FANCA: variants seen among roughly 807,000 people sequenced by gnomAD.
FANCA encodes Fanconi anemia group A protein.
In FANCA, 236 loss-of-function variants were observed where a neutral mutation model predicts 194.3. That is an observed-to-expected ratio of 1.21 (90% CI 1.09 to 1.35). The LOEUF is 1.35. FANCA is among the 40% of genes most tolerant of loss of function. The pLI is 0.00. For synonymous variants in FANCA, 1,014 were observed against 715.8 expected, an observed-to-expected ratio of 1.42 and a Z score of -6.65; for missense variants, 2,628 against 1,813.9, an observed-to-expected ratio of 1.45 and a Z score of -8.15.
At chr16:89,807,475 C>T (rs1341776514) in intron 6 of FANCA, among the ~76,000 whole-genome samples, 1 of 151,636 alleles carries the variant, frequency 6.6e-6, no homozygotes, top group Non-Finnish European at 1.5e-5. Context: ...AAAGGCCGCG[C>T]GAGGTGGCTC....
In FANCA at chr16:89,744,788, T is replaced by C. The variant is rs9923733; in HGVS notation, c.3626+171A>G. The C allele has an allele frequency of 0.49, 336,223 of 680,110 alleles. 93,602 individuals carry two copies. Among genetic ancestry groups the C allele is most frequent in the East Asian group, 0.98 (35,565 of 36,240 alleles). The allele number at this position is 680,110 out of a possible 1,614,324, so 42.1% of individuals were successfully genotyped here. A position where few individuals can be genotyped will look rare whatever the true frequency, so the allele number is the denominator to read the frequency against. On this transcript the variant is annotated intron_variant, in intron 36 of 42. Transcript: ENST00000389301. Reference sequence around the variant, plus strand: ...TCTCCTGCCTCGGCCTCCCCAGTAGTTGGGATTACAGGCGCCCACCACCAC... The same window carrying C: ...TCTCCTGCCTCGGCCTCCCCAGTAGCTGGGATTACAGGCGCCCACCACCAC...
At chr16:89,740,176 C>T (rs2062093537) in intron 38 of FANCA, 77 bp from the exon 39 acceptor site, 11 of 1,095,884 alleles carry the variant, frequency 1.0e-5, no homozygotes, top group Non-Finnish European at 1.6e-5. Flanking sequence ...GCCCTCAGCA[C>T]AGAAGAGGGC....
intron 3 of FANCA, among the ~76,000 whole-genome samples, chr16:89,811,820 TCTC>T (rs1291282879): frequency 2.0e-5 from 3 of 152,086 alleles, no homozygotes; most frequent in East Asian, 3.9e-4. Flanking sequence ...AACCTCCGCC[TCTC>T]AGGTTCAAGC....
chr16:89,814,652 C>G, intron 2 of FANCA, 39 bp from the exon 3 acceptor site: 1 of 1,512,262 alleles, frequency 6.6e-7, no homozygotes, highest in Non-Finnish European at 9.2e-7. Flanking sequence ...TTAAAAAATT[C>G]AAGCTCCAGG....
In FANCA at chr16:89,815,994, G is replaced by A. The variant is rs749080227; in HGVS notation, c.80-8C>T. On this transcript the variant is annotated splice_region_variant and splice_polypyrimidine_tract_variant and intron_variant, in intron 1 of 42. Coordinates refer to ENST00000389301, the MANE Select transcript of FANCA (RefSeq NM_000135.4). The stretch of plus-strand genomic sequence containing the variant: ...CCCTCTTGACCCTTCCCGCTACGGA[G>A]AGAAGTCGGTTCGAAACCATCACAG... 3 of 1,606,640 alleles carry A rather than the reference G, an allele frequency of 1.9e-6. No homozygotes were observed. The highest frequency in any genetic ancestry group is 2.6e-6 in the Non-Finnish European group (3 of 1,173,336).
At chr16:89,799,483 G>C (rs1354172200) in intron 9 of FANCA, 122 bp downstream of exon 9, 2 of 1,069,544 alleles carry the variant, frequency 1.9e-6, no homozygotes, top group Non-Finnish European at 2.9e-6. Context: ...TCCAGTACCA[G>C]GACTCTGCAC....
At chr16:89,800,766 C>T (rs1237603662) in intron 8 of FANCA, among the ~76,000 whole-genome samples, 1 of 152,216 alleles carries the variant, frequency 6.6e-6, no homozygotes, top group Non-Finnish European at 1.5e-5. Flanking sequence ...AACTGTGGCC[C>T]ACGCCTGTAA....
At chr16:89,770,383 T>C in intron 24 of FANCA, 124 bp from the exon 25 acceptor site, 1 of 1,072,052 alleles carries the variant, frequency 9.3e-7, no homozygotes, top group Non-Finnish European at 1.4e-6. Context: ...GTGGTCTTTC[T>C]GGAAGACAAC....
chr16:89,814,754 A>C (rs1339077589), intron 2 of FANCA, 141 bp from the exon 3 acceptor site: 5 of 650,718 alleles, frequency 7.7e-6, no homozygotes, highest in Non-Finnish European at 1.4e-5. Context: ...CAGCCTGGCC[A>C]ACATAGTGAA....
At chr16:89,810,559 A>T (rs1439857078) in intron 5 of FANCA, 148 bp downstream of exon 5, 4 of 690,522 alleles carry the variant, frequency 5.8e-6, no homozygotes, top group Non-Finnish European at 1.0e-5. Context: ...TCCACAGATG[A>T]TTTCTAAACC....
chr16:89,805,302 G>C lies in FANCA; in HGVS notation c.687C>G (p.Asp229Glu). ...CACCAGAAAGCATGGCCCTGGCGACGTCAGCATGCTGGCAGGATGCTTCCA... is the reference window on the plus strand; with the variant it reads ...CACCAGAAAGCATGGCCCTGGCGACCTCAGCATGCTGGCAGGATGCTTCCA... Reference protein sequence around the residue: ...EQMEASCQHADVARAMLSDFV... With the variant: ...EQMEASCQHAEVARAMLSDFV... Residue 229 changes from aspartate to glutamate, a missense_variant, in exon 7 of 43, where the codon GAC (aspartate) becomes GAG (glutamate). By Grantham distance (45) the Asp-to-Glu change is conservative (BLOSUM62 2). Coordinates refer to ENST00000389301, the MANE Select transcript of FANCA (RefSeq NM_000135.4). 6.2e-7 allele frequency: 1 copy of C among 1,613,818 alleles called. No homozygotes were observed. Among genetic ancestry groups the C allele is most frequent in the Non-Finnish European group, 8.5e-7 (1 of 1,179,800 alleles).
chr16:89,789,961 C>G lies in FANCA; in HGVS notation c.1359+1442G>C, dbSNP rs1378251954. 9.9e-5 allele frequency among the ~76,000 whole-genome samples: 15 copies of G among 152,268 alleles called. 1 individual carries two copies. In the South Asian group the frequency reaches 2.9e-3, roughly 30 times the overall value. On this transcript the variant is annotated intron_variant, in intron 14 of 42. Transcript: ENST00000389301. ...CCTGGATCTTTATTTCCAAAGCCCCCTCCAGGCGAGTCTAATGCCCACTTA... is the reference window on the plus strand; with the variant it reads ...CCTGGATCTTTATTTCCAAAGCCCCGTCCAGGCGAGTCTAATGCCCACTTA...
Position 89,794,589 on chromosome 16 carries a change from G to A in FANCA, c.1006+1317C>T, listed in dbSNP as rs76302112. Among the ~76,000 whole-genome samples the A allele has an allele frequency of 5.2e-3, 792 of 152,176 alleles. 2 individuals carry two copies. The highest frequency in any genetic ancestry group is 8.0e-3 in the Non-Finnish European group (541 of 67,990). ...ATAAACTGGGAATAAACCAATCATGGTGGGGATGCTGTTCAAAGGAAGCTC... is the reference window on the plus strand; with the variant it reads ...ATAAACTGGGAATAAACCAATCATGATGGGGATGCTGTTCAAAGGAAGCTC... On this transcript the variant is annotated intron_variant, in intron 11 of 42. Transcript: ENST00000389301.
chr16:89,769,749 A>G, intron 26 of FANCA, 88 bp downstream of exon 26: 1 of 1,461,044 alleles, frequency 6.8e-7, no homozygotes, highest in South Asian at 1.2e-5. Context: ...GTATGTCTGC[A>G]TGTCTGTCTC....
Position 89,791,485 on chromosome 16 carries a change from C to G in FANCA, c.1277G>C (p.Ser426Thr), listed in dbSNP as rs2040075056. 3 of 1,614,068 alleles carry G rather than the reference C, an allele frequency of 1.9e-6. No individual in the cohort carries two copies. The highest frequency in any genetic ancestry group is 2.5e-6 in the Non-Finnish European group (3 of 1,180,038). The change falls in exon 14 of 43, where the codon AGC becomes ACC. Residue 426 changes from serine to threonine, a missense_variant. By Grantham distance (58) the Ser-to-Thr change is moderately conservative. Transcript: ENST00000389301. ...CACAACCAGGAACGCAGTGACCATGCTGTCCAGCTGGCAGCTCTCGAATGC... is the reference window on the plus strand; with the variant it reads ...CACAACCAGGAACGCAGTGACCATGGTGTCCAGCTGGCAGCTCTCGAATGC... Reference protein sequence around the residue: ...AQAFESCQLDSMVTAFLVVRQ... With the variant: ...AQAFESCQLDTMVTAFLVVRQ...
At position 89,739,866 on chromosome 16, in the gene FANCA, C is replaced by G. The variant is rs561732863; in HGVS notation, c.3934+128G>C. 26 of 1,541,876 alleles carry G rather than the reference C, an allele frequency of 1.7e-5. No homozygotes were observed. The South Asian group carries it at 2.9e-4, about 17-fold the overall frequency. ...TAAACAAGTTTGTGCTTAATCTGTC[C>G]CAACTAAAATGGAGCTTATAAACTT... On this transcript the variant is annotated intron_variant, in intron 39 of 42. Transcript: ENST00000389301.
Position 89,739,481 on chromosome 16 carries a change from T to TA in FANCA, c.4006dup (p.Tyr1336LeufsTer9). The TA allele has an allele frequency of 6.4e-7, 1 of 1,551,146 alleles. No individual in the cohort carries two copies. The highest frequency in any genetic ancestry group is 2.4e-5 in the East Asian group (1 of 40,994). ...CCAGCCCTGTGGGTGGAGGTACCTG[T>TA]AAAAAGCGAAAGGCAGCAGCCTGGT... On this transcript the variant is annotated frameshift_variant, in exon 40 of 43. Transcript: ENST00000389301. LOFTEE classifies it high-confidence loss of function.
chr16:89,798,261 G>C (rs1351812583), intron 10 of FANCA: 2 of 867,910 alleles, frequency 2.3e-6, no homozygotes, highest in Non-Finnish European at 2.8e-6. Context: ...CCAACTTCCA[G>C]CCTCCACTGC....
rs1475016373 is a variant in FANCA, at chr16:89,796,038, A to G, written c.894-20T>C. The G allele has an allele frequency of 2.5e-6, 4 of 1,597,882 alleles. No homozygotes were observed. In the Admixed American group the frequency reaches 5.0e-5, roughly 20 times the overall value. On this transcript the variant is annotated intron_variant, in intron 10 of 42. Coordinates refer to ENST00000389301, the MANE Select transcript of FANCA (RefSeq NM_000135.4). ...CCGAACCTGCCAATGCAGCAGAAAG[A>G]GGGGTCAGGAAAGGGAGGGTGCCTT...
Sources: allele counts gnomAD v4.1 joint callset (sites outside exome capture counted in the v4.1 genomes callset), GRCh38; gene constraint gnomAD v4.1.1; transcripts MANE v1.5; gene names NCBI Gene and HGNC (gene_info 2026-07-23, HGNC 2026-07-21).